LBR: variants seen among roughly 807,000 people sequenced by gnomAD.
LBR encodes the protein delta(14)-sterol reductase LBR.
Under a neutral mutation model 74.3 loss-of-function variants are expected in LBR, and 28 were observed. The ratio of observed to expected loss-of-function variants is 0.38; its 90% confidence interval spans 0.28 to 0.52. The LOEUF (loss-of-function observed/expected upper bound fraction) is 0.52. LBR is among the 20% of genes least tolerant of loss of function. LBR has a pLI of 0.89. For synonymous variants in LBR, 228 were observed against 269.3 expected, an observed-to-expected ratio of 0.85 and a Z score of 1.50; for missense variants, 717 against 760.3, an observed-to-expected ratio of 0.94 and a Z score of 0.67.
intron 11 of LBR, among the ~76,000 whole-genome samples, chr1:225,405,842 A>C (rs1474718638): frequency 6.6e-6 from 1 of 152,240 alleles, no homozygotes; most frequent in Admixed American, 6.5e-5. Flanking sequence ...ACTAAATCTT[A>C]ATTTTAACCA....
At chr1:225,422,034 TA>T in intron 3 of LBR, 42 bp downstream of exon 3, 2 of 1,565,668 alleles carry the variant, frequency 1.3e-6, no homozygotes, top group Non-Finnish European at 1.8e-6. Context: ...AATATATACA[TA>T]AAGCGGAAGA....
intron 10 of LBR, among the ~76,000 whole-genome samples, chr1:225,408,088 T>C (rs78962574): frequency 0.098 from 14,935 of 152,248 alleles, 852 homozygotes; most frequent in South Asian, 0.14. Context: ...CTGTTAACTA[T>C]AGTCATCCTA....
At chr1:225,414,575 T>C (rs1043784945) in intron 7 of LBR, among the ~76,000 whole-genome samples, 3 of 152,176 alleles carry the variant, frequency 2.0e-5, no homozygotes, top group East Asian at 1.9e-4. Context: ...TATCCATTTA[T>C]TGAGCTGCCC....
rs541475300 is a variant in LBR at position 225,402,502 on chromosome 1, C to T, written c.*801G>A. 2.6e-5 allele frequency: 4 copies of T among 152,646 alleles called. No homozygotes were observed. In the South Asian group the frequency reaches 8.3e-4, roughly 32 times the overall value. The allele number at this position is 152,646 out of a possible 1,614,324, so 9.5% of individuals were successfully genotyped here. On this transcript the variant is annotated 3_prime_UTR_variant, in exon 14 of 14. Coordinates refer to ENST00000272163, the MANE Select transcript of LBR (RefSeq NM_002296.4). Reference sequence around the variant, plus strand: ...AAATACCCTTCCTATGTTTTAACAGCATCTTCTATACAATAGTGAATGAAT... The same window carrying T: ...AAATACCCTTCCTATGTTTTAACAGTATCTTCTATACAATAGTGAATGAAT...
At position 225,423,916 on chromosome 1, in the gene LBR, T is replaced by C. The variant is rs761536767; in HGVS notation, c.160A>G (p.Ile54Val). 1.2e-6 allele frequency: 2 copies of C among 1,613,060 alleles called. No homozygotes were observed. Among genetic ancestry groups the C allele is most frequent in the South Asian group, 1.1e-5 (1 of 91,070 alleles). The change falls in exon 2 of 14, where the codon ATT (isoleucine) becomes GTT (valine). Residue 54 changes from isoleucine (I) to valine (V), a missense_variant. Coordinates refer to ENST00000272163, the MANE Select transcript of LBR (RefSeq NM_002296.4). ...TAAACCAAAGGAGCTCTTACCTTAA[T>C]ATCATTCTCTTTCAATTCAAGCTCT... ...GTELELKEND[I>V]KPLTSFRQRK...
intron 3 of LBR, among the ~76,000 whole-genome samples, chr1:225,420,162 T>C (rs750979128): frequency 6.6e-6 from 1 of 151,896 alleles, no homozygotes; most frequent in African/African-American, 2.4e-5. Flanking sequence ...ACAAAAAAAT[T>C]AGCCACGCAC....
At position 225,404,409 on chromosome 1, in the gene LBR, G is replaced by A; in HGVS notation, c.1682C>T (p.Pro561Leu). The A allele has an allele frequency of 1.2e-6, 2 of 1,614,062 alleles. No homozygotes were observed. The highest frequency in any genetic ancestry group is 8.5e-7 in the Non-Finnish European group (1 of 1,180,032). Residue 561 changes from proline (P) to leucine (L), a missense_variant, in exon 13 of 14, where the codon CCA becomes CTA. Pro to Leu is a moderately conservative substitution (Grantham distance 98). Coordinates refer to ENST00000272163, the MANE Select transcript of LBR (RefSeq NM_002296.4). ...CACTCTTCTGAAATGCTTACCACAT[G>A]GGAGGGACCACGCCAAGGCCATGAT... ...DLIMALAWSLPCGFNHILPYF... is the reference protein window; with the variant it reads ...DLIMALAWSLLCGFNHILPYF...
rs2096144351 is a variant in LBR at position 225,428,024 on chromosome 1, C to A, written c.-85G>T. The A allele has an allele frequency of 6.6e-6, 1 of 152,072 alleles. No homozygotes were observed. The highest frequency in any genetic ancestry group is 1.5e-5 in the Non-Finnish European group (1 of 68,044). 9.4% of individuals were successfully genotyped at this position (152,072 alleles called of 1,614,324 possible). A position where few individuals can be genotyped will look rare whatever the true frequency, so the allele number is the denominator to read the frequency against. On this transcript the variant is annotated 5_prime_UTR_variant, in exon 1 of 14. Transcript: ENST00000272163. The stretch of plus-strand genomic sequence containing the variant: ...TCGCACAGCAACCCGGCGGCAGATC[C>A]ACGCGCGCGACGCTACCCGGCCGCG...
intron 2 of LBR, among the ~76,000 whole-genome samples, chr1:225,423,027 T>A (rs1342917922): frequency 6.6e-6 from 1 of 152,234 alleles, no homozygotes; most frequent in Admixed American, 6.5e-5. Context: ...TTTCTGTGCT[T>A]TATTCCTGGT....
At chr1:225,406,450 A>C (rs1044583216) in intron 11 of LBR, 1 of 453,394 alleles carries the variant, frequency 2.2e-6, no homozygotes, top group African/African-American at 2.0e-5. Context: ...AGATGGTTTA[A>C]AATAATCTGT....
In LBR at chr1:225,410,319, A is replaced by T; in HGVS notation, c.1286T>A (p.Leu429His). The T allele has an allele frequency of 6.2e-7, 1 of 1,614,212 alleles. No homozygotes were observed. Among genetic ancestry groups the T allele is most frequent in the Non-Finnish European group, 8.5e-7 (1 of 1,180,040 alleles). ...ATTCCAGAGAGCATCCACCACATAG[A>T]GAAGCTGGAAACTATTAACTAAAAT... Reference protein sequence around the residue: ...AMILVNSFQLLYVVDALWNEE... With the variant: ...AMILVNSFQLHYVVDALWNEE... Residue 429 changes from leucine (L) to histidine (H), a missense_variant, in exon 10 of 14, where the codon CTC becomes CAC. Coordinates refer to ENST00000272163, the MANE Select transcript of LBR (RefSeq NM_002296.4).
In LBR at chr1:225,404,398, G is replaced by A. The variant is rs977671256; in HGVS notation, c.1687+6C>T. 4 of 1,613,786 alleles carry A rather than the reference G, an allele frequency of 2.5e-6. No homozygotes were observed. The highest frequency in any genetic ancestry group is 3.4e-6 in the Non-Finnish European group (4 of 1,180,012). The stretch of plus-strand genomic sequence containing the variant: ...GGTCAAACTAGCACTCTTCTGAAAT[G>A]CTTACCACATGGGAGGGACCACGCC... On this transcript the variant is annotated splice_donor_region_variant and intron_variant, in intron 13 of 13. Coordinates refer to ENST00000272163, the MANE Select transcript of LBR (RefSeq NM_002296.4).
chr1:225,425,979 G>A (rs2096138405), intron 1 of LBR, among the ~76,000 whole-genome samples: 2 of 152,174 alleles, frequency 1.3e-5, no homozygotes, highest in South Asian at 4.1e-4. Context: ...CACAGTATCT[G>A]TGTAATATAA....
At chr1:225,426,207 C>T (rs112063466) in intron 1 of LBR, among the ~76,000 whole-genome samples, 154 of 152,158 alleles carry the variant, frequency 1.0e-3, no homozygotes, top group Non-Finnish European at 1.8e-3. Context: ...ATGTGCACCC[C>T]CACTTTACAC....
intron 13 of LBR, 87 bp downstream of exon 13, chr1:225,404,317 T>C (rs1415998061): frequency 6.3e-7 from 1 of 1,585,076 alleles, no homozygotes; most frequent in Non-Finnish European, 8.6e-7. Context: ...ACACCCACCT[T>C]GGCCACACTG....
At chr1:225,409,209 G>C (rs1458776730) in intron 10 of LBR, among the ~76,000 whole-genome samples, 1 of 152,236 alleles carries the variant, frequency 6.6e-6, no homozygotes, top group Non-Finnish European at 1.5e-5. Flanking sequence ...CTCTGAGCCA[G>C]GGTCTGTGAA....
chr1:225,407,276 G>A (rs2096094112), intron 10 of LBR, among the ~76,000 whole-genome samples: 2 of 152,172 alleles, frequency 1.3e-5, no homozygotes, highest in African/African-American at 2.4e-5. Context: ...CTAAAAGACA[G>A]AGGCTGTGTG....
At chr1:225,406,576 G>T in intron 11 of LBR, 88 bp downstream of exon 11, 1 of 1,171,228 alleles carries the variant, frequency 8.5e-7, no homozygotes, top group Non-Finnish European at 1.2e-6. Context: ...ATTCAAAATG[G>T]CATGTTTCAA....
At chr1:225,423,857 G>T in intron 2 of LBR, 54 bp downstream of exon 2, 1 of 1,510,998 alleles carries the variant, frequency 6.6e-7, no homozygotes, top group South Asian at 1.1e-5. Flanking sequence ...ACCATACTTA[G>T]AGTTATTTCC....
Sources: allele counts gnomAD v4.1 joint callset (sites outside exome capture counted in the v4.1 genomes callset), GRCh38; gene constraint gnomAD v4.1.1; transcripts MANE v1.5; gene names NCBI Gene and HGNC (gene_info 2026-07-23, HGNC 2026-07-21).